The following SCN2A variants were observed in gnomAD, a reference collection of about 807,000 sequenced individuals.
SCN2A encodes the protein sodium channel protein type 2 subunit alpha.
In SCN2A, 20 loss-of-function variants were observed where a neutral mutation model predicts 188.7. The observed-to-expected ratio is 0.11, with a 90% CI of 0.07 to 0.15. SCN2A has a LOEUF of 0.15. Among genes scored for constraint, SCN2A ranks in the 10% least tolerant of loss-of-function variants. The probability of loss-of-function intolerance (pLI) is 1.00; values close to 1 mark genes in which losing one functional copy is unlikely to be tolerated. For synonymous variants in SCN2A, 804 were observed against 833.1 expected (o/e 0.97, Z 0.60); for missense variants, 1,278 against 2,445.0 (o/e 0.52, Z 10.07).
chr2:165,286,437 A>G (rs2106128863), intron 1 of SCN2A, among the ~76,000 whole-genome samples: 1 of 152,362 alleles, frequency 6.6e-6, no homozygotes, highest in South Asian at 2.1e-4. Flanking sequence ...AGAATTTTGT[A>G]ATAAGTTAAT....
chr2:165,308,750 A>G lies in SCN2A; in HGVS notation c.561A>G (p.Leu187=), dbSNP rs1262202074. 2.5e-6 allele frequency: 4 copies of G among 1,612,824 alleles called. No homozygotes were observed. Among genetic ancestry groups the G allele is most frequent in the Non-Finnish European group, 3.4e-6 (4 of 1,179,130 alleles). The change falls in exon 5 of 27, where the codon TTA becomes TTG. Residue 187 remains leucine, a synonymous_variant. Transcript: ENST00000375437. ...TTTGTTTAGAAGATTTCACATTTTTACGGGATCCATGGAATTGGTTGGATT... is the reference window on the plus strand; with the variant it reads ...TTTGTTTAGAAGATTTCACATTTTTGCGGGATCCATGGAATTGGTTGGATT... The part of the protein sequence containing the change: ...RGFCLEDFTF[L]RDPWNWLDFT...
chr2:165,266,259 C>T (rs181447213), intron 1 of SCN2A, among the ~76,000 whole-genome samples: 108 of 152,132 alleles, frequency 7.1e-4, no homozygotes, highest in Non-Finnish European at 1.1e-3. Context: ...ACCACCAACA[C>T]TCCCTCCATC....
At chr2:165,312,781 A>G (rs1286006190) in intron 8 of SCN2A, among the ~76,000 whole-genome samples, 2 of 152,272 alleles carry the variant, frequency 1.3e-5, no homozygotes, top group African/African-American at 2.4e-5. Flanking sequence ...TTCTTTATTT[A>G]GCAAGATTTT....
intron 20 of SCN2A, chr2:165,370,557 G>T: frequency 2.5e-6 from 1 of 392,228 alleles, no homozygotes; most frequent in Non-Finnish European, 4.6e-6. Flanking sequence ...CTCAAGTTAT[G>T]CAAAATAAAA....
At chr2:165,370,408 T>C in intron 20 of SCN2A, 109 bp downstream of exon 20, 1 of 1,101,744 alleles carries the variant, frequency 9.1e-7, no homozygotes, top group Non-Finnish European at 1.4e-6. Context: ...AGCCCAAATA[T>C]AAATTATGTT....
chr2:165,330,477 C>T (rs1698617007), intron 13 of SCN2A, among the ~76,000 whole-genome samples: 1 of 152,010 alleles, frequency 6.6e-6, no homozygotes, highest in African/African-American at 2.4e-5. Flanking sequence ...GTCTTCTCTC[C>T]CAATGTTTGG....
At chr2:165,382,888 C>G (rs147984192) in intron 25 of SCN2A, among the ~76,000 whole-genome samples, 7 of 152,132 alleles carry the variant, frequency 4.6e-5, no homozygotes, top group African/African-American at 1.4e-4. Context: ...CAGAATGAGG[C>G]CTTGCATACT....
intron 1 of SCN2A, among the ~76,000 whole-genome samples, chr2:165,249,790 T>C (rs940952806): frequency 6.6e-6 from 1 of 152,082 alleles, no homozygotes; most frequent in Non-Finnish European, 1.5e-5. Context: ...TACTACTTGA[T>C]TTATAGAAAG....
intron 1 of SCN2A, among the ~76,000 whole-genome samples, chr2:165,251,445 A>T (rs1305096909): frequency 2.6e-5 from 4 of 152,138 alleles, no homozygotes; most frequent in African/African-American, 9.6e-5. Flanking sequence ...ATTTTATCTC[A>T]GGAATTTCAT....
At chr2:165,371,602 T>C (rs1489077556) in intron 20 of SCN2A, 2 of 152,142 alleles carry the variant, frequency 1.3e-5, no homozygotes, top group Non-Finnish European at 2.9e-5. Flanking sequence ...CGTTGGTGCA[T>C]GACATGCAGG....
At chr2:165,300,061 C>G (rs572997096) in intron 3 of SCN2A, among the ~76,000 whole-genome samples, 1 of 152,072 alleles carries the variant, frequency 6.6e-6, no homozygotes, top group African/African-American at 2.4e-5. Context: ...ACTGAAAATT[C>G]TTTTGATGTG....
chr2:165,374,642 G>A (rs376450046), intron 21 of SCN2A, 43 bp from the exon 22 acceptor site: 1 of 1,587,826 alleles, frequency 6.3e-7, no homozygotes, highest in South Asian at 1.1e-5. Context: ...GTAAATATTT[G>A]TTGTTGGCTT....
chr2:165,290,852 A>T, intron 1 of SCN2A: 2 of 837,770 alleles, frequency 2.4e-6, no homozygotes, highest in Non-Finnish European at 2.9e-6. Context: ...ATATGTATAT[A>T]TCCCGATATT....
chr2:165,296,405 C>T, intron 2 of SCN2A: 1 of 314,534 alleles, frequency 3.2e-6, no homozygotes, highest in East Asian at 6.8e-5. Context: ...CCCTGATTCC[C>T]TAATAATGTT....
chr2:165,265,467 T>TTATATATA (rs1694798213), intron 1 of SCN2A, among the ~76,000 whole-genome samples: 2 of 38,056 alleles, frequency 5.3e-5, no homozygotes, highest in African/African-American at 9.5e-5. Context: ...TTTACTCTGT[T>TTATATATA]GATCTATATA....
At position 165,367,152 on chromosome 2, in the gene SCN2A, A is replaced by G. The variant is rs1700771852; in HGVS notation, c.3521-65A>G. ...AGGTAATAATGTAAATGAATCTCCCACCAACACAAATATACCTAATCAAAG... is the reference window on the plus strand; with the variant it reads ...AGGTAATAATGTAAATGAATCTCCCGCCAACACAAATATACCTAATCAAAG... On this transcript the variant is annotated intron_variant, in intron 18 of 26. Transcript: ENST00000375437. 2.7e-6 allele frequency: 4 copies of G among 1,503,566 alleles called. No individual in the cohort carries two copies. In the South Asian group the frequency reaches 4.6e-5, roughly 17 times the overall value. 93.1% of individuals were successfully genotyped at this position (1,503,566 alleles called of 1,614,324 possible). A position where few individuals can be genotyped will look rare whatever the true frequency, so the allele number is the denominator to read the frequency against.
intron 1 of SCN2A, among the ~76,000 whole-genome samples, chr2:165,289,324 A>C (rs1034080712): frequency 7.2e-5 from 11 of 152,182 alleles, no homozygotes; most frequent in African/African-American, 2.6e-4. Flanking sequence ...GAAAAAATAT[A>C]TTCCTCTTGT....
chr2:165,300,315 G>A (rs1400616549), intron 3 of SCN2A, among the ~76,000 whole-genome samples: 2 of 152,120 alleles, frequency 1.3e-5, no homozygotes, highest in Admixed American at 1.3e-4. Flanking sequence ...TAAGCATTGG[G>A]ATGCAACATT....
At chr2:165,367,993 G>A (rs920713773) in intron 19 of SCN2A, among the ~76,000 whole-genome samples, 1 of 152,154 alleles carries the variant, frequency 6.6e-6, no homozygotes, top group African/African-American at 2.4e-5. Context: ...GTTCAGTGGA[G>A]GGTCAGAGTG....
Sources: gnomAD v4.1 joint callset for allele counts (sites outside exome capture counted in the v4.1 genomes callset) on GRCh38, gnomAD v4.1.1 for gene constraint, MANE v1.5 for transcripts, NCBI Gene and HGNC (gene_info 2026-07-23, HGNC 2026-07-21) for gene names.